Variants in ADGRG4 observed in about 807,000 individuals in gnomAD.
The protein encoded by ADGRG4 is G protein-coupled receptor 112.
ADGRG4 carries 122 observed loss-of-function variants against 126.2 expected under a neutral mutation model. The observed-to-expected ratio is 0.97, with a 90% CI of 0.83 to 1.12. The LOEUF (loss-of-function observed/expected upper bound fraction) is 1.12, where lower values mean the gene tolerates loss of function less well. Ranked by LOEUF, ADGRG4 falls within the 50% of genes most tolerant of loss-of-function variation. The probability of loss-of-function intolerance (pLI) is 0.00; values close to 1 mark genes in which losing one functional copy is unlikely to be tolerated. For missense variants in ADGRG4, 2,481 were observed against 2,251.8 expected (o/e 1.10, Z -2.06); for synonymous variants, 943 against 838.7 (o/e 1.12, Z -2.15).
At chrX:136,383,866 CTTT>C (rs2075277602) in intron 15 of ADGRG4, among the ~76,000 whole-genome samples, 1 of 45,481 alleles carries the variant, frequency 2.2e-5, no homozygotes, top group African/African-American at 8.0e-5. Context: ...TTCTTTCTTT[CTTT>C]CTTTCTTCTT....
At chrX:136,416,330 T>G in intron 25 of ADGRG4, 124 bp from the exon 26 acceptor site, 1 of 503,285 alleles carries the variant, frequency 2.0e-6, no homozygotes, top group Non-Finnish European at 3.4e-6. Flanking sequence ...GAAAGCACCA[T>G]ATCCTTCCCT....
At chrX:136,391,442 A>G (rs952248140) in intron 16 of ADGRG4, among the ~76,000 whole-genome samples, 5 of 112,045 alleles carry the variant, frequency 4.5e-5, no homozygotes, top group African/African-American at 1.6e-4. Flanking sequence ...GATACATTCT[A>G]GTTTGTTGCC....
intron 24 of ADGRG4, among the ~76,000 whole-genome samples, chrX:136,413,746 GTT>G (rs1361897301): frequency 0.029 from 600 of 20,342 alleles, 3 homozygotes; most frequent in East Asian, 0.23. Context: ...TTTTGTTTTT[GTT>G]TTTTTTTTTG....
At chrX:136,393,862 G>A (rs1195141491) in intron 18 of ADGRG4, among the ~76,000 whole-genome samples, 1 of 111,919 alleles carries the variant, frequency 8.9e-6, no homozygotes, top group Non-Finnish European at 1.9e-5. Flanking sequence ...GAAGATTATA[G>A]GAGCTTATTA....
In ADGRG4 at chrX:136,346,083, G is replaced by T. The variant is rs1191629915; in HGVS notation, c.2377G>T (p.Ala793Ser). 9 of 1,208,548 alleles carry T rather than the reference G, an allele frequency of 7.4e-6. No homozygotes were observed. The Admixed American group carries it at 2.0e-4, about 26-fold the overall frequency. Residue 793 changes from alanine to serine, a missense_variant, in exon 6 of 26, where the codon GCT (alanine) becomes TCT (serine). Ala to Ser is a moderately conservative substitution (Grantham distance 99, BLOSUM62 1). Transcript: ENST00000394143. Reference protein sequence around the residue: ...VPSVDIISTLACIQPNFSTEE... With the variant: ...VPSVDIISTLSCIQPNFSTEE... The stretch of plus-strand genomic sequence containing the variant: ...ATCAGTAGATATAATATCTACTCTT[G>T]CTTGCATTCAACCAAATTTTTCTAC...
chrX:136,380,652 C>CTTCTTCTTCTTCTTCTTCTTCT lies in ADGRG4; in HGVS notation c.7777-7087_7777-7086insTCTTCTTCTTCTTCTTCTTCTT, dbSNP rs1339324470. On this transcript the variant is annotated intron_variant, in intron 15 of 25. Coordinates refer to ENST00000394143, the MANE Select transcript of ADGRG4 (RefSeq NM_153834.4). The stretch of plus-strand genomic sequence containing the variant: ...CTTCTTCTTCTTCTTCTTCTTCTTC[C>CTTCTTCTTCTTCTTCTTCTTCT]TCCTCCTCCTCCTCCTCTTCCTCCT... Among the ~76,000 whole-genome samples, 8 of 58,342 alleles carry CTTCTTCTTCTTCTTCTTCTTCT rather than the reference C, an allele frequency of 1.4e-4. 1 individual carries two copies. Among genetic ancestry groups the CTTCTTCTTCTTCTTCTTCTTCT allele is most frequent in the Non-Finnish European group, 2.4e-4 (7 of 29,408 alleles). The allele number at this position is 58,342 out of a possible 115,157, so 50.7% of individuals were successfully genotyped here.
intron 5 of ADGRG4, among the ~76,000 whole-genome samples, chrX:136,323,682 C>G (rs1000321697): frequency 1.8e-5 from 2 of 110,487 alleles, no homozygotes; most frequent in African/African-American, 6.6e-5. Context: ...CCCTAAATAT[C>G]TCAGTGTGTA....
At chrX:136,356,770 G>A (rs1474447352) in intron 9 of ADGRG4, among the ~76,000 whole-genome samples, 2 of 112,211 alleles carry the variant, frequency 1.8e-5, no homozygotes, top group African/African-American at 6.5e-5. Flanking sequence ...GGCTGAGGTG[G>A]GAGGATTGCT....
intron 5 of ADGRG4, among the ~76,000 whole-genome samples, chrX:136,330,808 G>C (rs967930122): frequency 4.5e-5 from 5 of 111,205 alleles, no homozygotes; most frequent in Non-Finnish European, 9.4e-5. Flanking sequence ...ATCCCCTCAA[G>C]TATTTATCCT....
intron 5 of ADGRG4, 74 bp downstream of exon 5, chrX:136,323,466 A>G: frequency 1.0e-6 from 1 of 966,271 alleles, no homozygotes; most frequent in Non-Finnish European, 1.4e-6. Flanking sequence ...CAGTGGCCCC[A>G]GGTTGCTAGT....
chrX:136,305,524 G>A (rs1050153257), intron 3 of ADGRG4, among the ~76,000 whole-genome samples: 2 of 112,045 alleles, frequency 1.8e-5, no homozygotes, highest in African/African-American at 3.2e-5. Flanking sequence ...GACACCTTCT[G>A]GGACAAAAAC....
At chrX:136,379,375 G>A (rs966120420) in intron 15 of ADGRG4, among the ~76,000 whole-genome samples, 7 of 110,511 alleles carry the variant, frequency 6.3e-5, no homozygotes, top group Non-Finnish European at 1.3e-4. Flanking sequence ...CAACCCACAG[G>A]TGGTCTCTGT....
chrX:136,315,710 G>A (rs2074800899), intron 4 of ADGRG4, among the ~76,000 whole-genome samples: 1 of 111,644 alleles, frequency 9.0e-6, no homozygotes, highest in African/African-American at 3.3e-5. Context: ...TGGAAATAGA[G>A]TCATTGAAAA....
At chrX:136,370,823 T>C (rs764108263) in intron 13 of ADGRG4, among the ~76,000 whole-genome samples, 2 of 112,136 alleles carry the variant, frequency 1.8e-5, no homozygotes, top group Non-Finnish European at 3.8e-5. Flanking sequence ...GGCGAGTTAA[T>C]ATCCATTGTT....
intron 3 of ADGRG4, among the ~76,000 whole-genome samples, chrX:136,307,566 T>C (rs764652278): frequency 2.0e-4 from 22 of 112,593 alleles, no homozygotes; most frequent in Non-Finnish European, 3.8e-4. Flanking sequence ...GCCTGATTAA[T>C]GGCTGGCATT....
chrX:136,352,030 A>C (rs1471446952), intron 7 of ADGRG4, among the ~76,000 whole-genome samples: 1 of 111,887 alleles, frequency 8.9e-6, no homozygotes, highest in Admixed American at 9.5e-5. Context: ...CATTGACATC[A>C]AAAACCCAGA....
chrX:136,395,058 C>T (rs1490055238), intron 18 of ADGRG4, among the ~76,000 whole-genome samples: 1 of 110,710 alleles, frequency 9.0e-6, no homozygotes, highest in East Asian at 2.9e-4. Flanking sequence ...TCCATACGTC[C>T]ATGTCCTTAA....
chrX:136,334,860 A>T (rs957601075), intron 5 of ADGRG4, among the ~76,000 whole-genome samples: 13 of 111,632 alleles, frequency 1.2e-4, no homozygotes, highest in African/African-American at 3.9e-4. Flanking sequence ...CTACTGCATA[A>T]TCTGCAATGC....
At chrX:136,321,511 G>A (rs2074839194) in intron 4 of ADGRG4, among the ~76,000 whole-genome samples, 1 of 112,102 alleles carries the variant, frequency 8.9e-6, no homozygotes, top group South Asian at 3.7e-4. Flanking sequence ...TGTTATGGCT[G>A]TCACTGTTTT....
Sources: allele counts gnomAD v4.1 joint callset (sites outside exome capture counted in the v4.1 genomes callset), GRCh38; gene constraint gnomAD v4.1.1; transcripts MANE v1.5; gene names NCBI Gene and HGNC (gene_info 2026-07-23, HGNC 2026-07-21).